The following GPC5 variants were observed in gnomAD, a reference collection of about 807,000 sequenced individuals.
The protein encoded by GPC5 is glypican-5.
A neutral mutation model predicts 53.9 loss-of-function variants in GPC5; 47 were observed. That is an observed-to-expected ratio of 0.87 (90% CI 0.69 to 1.11). The LOEUF (loss-of-function observed/expected upper bound fraction) is 1.11, where lower values mean the gene tolerates loss of function less well. Ranked by LOEUF, GPC5 falls within the 50% of genes most tolerant of loss-of-function variation. The probability of loss-of-function intolerance (pLI) is 0.00; values close to 1 mark genes in which losing one functional copy is unlikely to be tolerated. For missense variants in GPC5, 748 were observed against 713.1 expected (o/e 1.05, Z -0.56); for synonymous variants, 286 against 263.3 (o/e 1.09, Z -0.84).
intron 6 of GPC5, among the ~76,000 whole-genome samples, chr13:92,031,995 AAAT>A (rs1007411005): frequency 1.5e-5 from 2 of 131,232 alleles, no homozygotes; most frequent in African/African-American, 2.8e-5. Flanking sequence ...TATTATATAC[AAAT>A]AATTGTATAT....
chr13:91,736,174 TTAAGA>T (rs2036810337), intron 4 of GPC5, among the ~76,000 whole-genome samples: 2 of 151,128 alleles, frequency 1.3e-5, no homozygotes, highest in Non-Finnish European at 2.9e-5. Flanking sequence ...AATTAAAAAA[TTAAGA>T]TAATAAAATA....
chr13:91,538,608 C>T lies in GPC5; in HGVS notation c.325+89686C>T, dbSNP rs542885450. Among the ~76,000 whole-genome samples the T allele has an allele frequency of 8.2e-3, 1,020 of 124,214 alleles. 12 individuals carry two copies. The highest frequency in any genetic ancestry group is 0.027 in the African/African-American group (925 of 34,164). The allele number at this position is 124,214 out of a possible 152,430, so 81.5% of individuals were successfully genotyped here. On this transcript the variant is annotated intron_variant, in intron 2 of 7. Transcript: ENST00000377067. ...TTTTTTTTTTTTTTTTTTGAGATGG[C>T]GTCTTGCTCTGTCCCCCAGGCTGGA...
chr13:91,402,264 GA>G (rs1470889331), intron 1 of GPC5, among the ~76,000 whole-genome samples: 5 of 152,140 alleles, frequency 3.3e-5, no homozygotes, highest in African/African-American at 4.8e-5. Context: ...AGTAGTCTGT[GA>G]AAGTAACTTT....
intron 2 of GPC5, among the ~76,000 whole-genome samples, chr13:91,655,223 A>G (rs2034816928): frequency 6.6e-6 from 1 of 152,064 alleles, no homozygotes; most frequent in South Asian, 2.1e-4. Context: ...TAGTTTGCAG[A>G]ATTTTGGCAA....
intron 7 of GPC5, among the ~76,000 whole-genome samples, chr13:92,289,399 A>G (rs1041563316): frequency 1.3e-5 from 2 of 152,048 alleles, no homozygotes; most frequent in African/African-American, 4.8e-5. Context: ...TATATCAAAG[A>G]TTTAATTTAT....
intron 7 of GPC5, among the ~76,000 whole-genome samples, chr13:92,505,354 T>A (rs1476718477): frequency 1.3e-5 from 2 of 151,898 alleles, no homozygotes; most frequent in African/African-American, 2.4e-5. Context: ...AGTAAACATG[T>A]GAAAAGATGT....
chr13:92,619,660 T>C (rs1884807273), intron 7 of GPC5, among the ~76,000 whole-genome samples: 1 of 151,984 alleles, frequency 6.6e-6, no homozygotes, highest in South Asian at 2.1e-4. Flanking sequence ...AAAATGATTG[T>C]GAAACATCCA....
At chr13:91,594,213 G>T (rs1159192797) in intron 2 of GPC5, among the ~76,000 whole-genome samples, 23 of 152,174 alleles carry the variant, frequency 1.5e-4, no homozygotes, top group Admixed American at 1.5e-3. Context: ...TTTTTTTAAA[G>T]GAGTATGATT....
At chr13:92,377,157 C>T (rs982501734) in intron 7 of GPC5, among the ~76,000 whole-genome samples, 6 of 152,220 alleles carry the variant, frequency 3.9e-5, no homozygotes, top group Non-Finnish European at 7.3e-5. Context: ...GAATGAATCA[C>T]TCAATGCTAC....
intron 7 of GPC5, among the ~76,000 whole-genome samples, chr13:92,433,279 T>C (rs1877172495): frequency 6.6e-6 from 1 of 152,070 alleles, no homozygotes; most frequent in Admixed American, 6.6e-5. Context: ...GCAGAATATC[T>C]AGATACAGAG....
intron 7 of GPC5, among the ~76,000 whole-genome samples, chr13:92,271,855 G>A (rs1269957297): frequency 6.6e-6 from 1 of 152,166 alleles, no homozygotes; most frequent in East Asian, 1.9e-4. Context: ...TCTGAGTAAT[G>A]TTTCTTAGGC....
At chr13:91,610,817 AGGT>A (rs2033524807) in intron 2 of GPC5, among the ~76,000 whole-genome samples, 1 of 152,164 alleles carries the variant, frequency 6.6e-6, no homozygotes, top group South Asian at 2.1e-4. Flanking sequence ...AAGTGGGCAA[AGGT>A]TGTTATGTTA....
chr13:91,745,441 G>GAAATC (rs10687992), intron 4 of GPC5, among the ~76,000 whole-genome samples: 111,590 of 151,218 alleles, frequency 0.74, 41,223 homozygotes, highest in Middle Eastern at 0.82. Context: ...GGTCTCTAAG[G>GAAATC]AGCCCACTCT....
chr13:92,585,050 G>C (rs562345846), intron 7 of GPC5, among the ~76,000 whole-genome samples: 1 of 152,262 alleles, frequency 6.6e-6, no homozygotes, highest in South Asian at 2.1e-4. Context: ...ACTTCCGCTA[G>C]AGCAGTGTGA....
At chr13:92,299,438 T>A (rs1204588471) in intron 7 of GPC5, among the ~76,000 whole-genome samples, 1 of 152,166 alleles carries the variant, frequency 6.6e-6, no homozygotes, top group African/African-American at 2.4e-5. Flanking sequence ...TGACTATGAA[T>A]AATGACTGTA....
chr13:92,309,755 A>C (rs1457955371), intron 7 of GPC5, among the ~76,000 whole-genome samples: 1 of 152,100 alleles, frequency 6.6e-6, no homozygotes, highest in Non-Finnish European at 1.5e-5. Context: ...TGGTGAGAGC[A>C]CTTAAAATCT....
intron 4 of GPC5, among the ~76,000 whole-genome samples, chr13:91,747,353 A>G (rs191019002): frequency 2.0e-5 from 3 of 152,276 alleles, no homozygotes; most frequent in Non-Finnish European, 4.4e-5. Flanking sequence ...CCTCAAGGGC[A>G]TGGGAAGCAA....
At chr13:91,844,790 A>G (rs1328440760) in intron 5 of GPC5, among the ~76,000 whole-genome samples, 1 of 151,912 alleles carries the variant, frequency 6.6e-6, no homozygotes, top group Non-Finnish European at 1.5e-5. Flanking sequence ...CAGTGGTGCT[A>G]TCTCGGCTTG....
At chr13:92,639,903 T>G (rs1885531627) in intron 7 of GPC5, among the ~76,000 whole-genome samples, 1 of 152,018 alleles carries the variant, frequency 6.6e-6, no homozygotes, top group South Asian at 2.1e-4. Flanking sequence ...AGTCCAGAAG[T>G]AAAATGCAAC....
Sources: gnomAD v4.1 joint callset for allele counts (sites outside exome capture counted in the v4.1 genomes callset) on GRCh38, gnomAD v4.1.1 for gene constraint, MANE v1.5 for transcripts, NCBI Gene and HGNC (gene_info 2026-07-23, HGNC 2026-07-21) for gene names.